Variants in CACNA1B observed in about 807,000 individuals in gnomAD.
CACNA1B encodes voltage-dependent N-type calcium channel subunit alpha-1B.
In CACNA1B, 70 loss-of-function variants were observed where a neutral mutation model predicts 247.2. That is an observed-to-expected ratio of 0.28 (90% CI 0.23 to 0.35). The LOEUF is 0.35. CACNA1B is among the 10% of genes least tolerant of loss of function. The pLI is 1.00. For synonymous variants in CACNA1B, 1,231 were observed against 1,294.4 expected (o/e 0.95, Z 1.05); for missense variants, 2,367 against 3,197.4 (o/e 0.74, Z 6.26).
At position 138,073,988 on chromosome 9, in the gene CACNA1B, CCT is replaced by C. The variant is rs773843210; in HGVS notation, c.4792-12_4792-11del. 1 of 1,609,610 alleles carries C rather than the reference CCT, an allele frequency of 6.2e-7. No individual in the cohort carries two copies. Among genetic ancestry groups the C allele is most frequent in the Non-Finnish European group, 8.5e-7 (1 of 1,178,964 alleles). ...GGGAGGTGCCTGTAGCTGACCGGCCCCTGTCTCCGCAGGCCCTGCCCTACGTG... is the reference window on the plus strand; with the variant it reads ...GGGAGGTGCCTGTAGCTGACCGGCCCGTCTCCGCAGGCCCTGCCCTACGTG... On this transcript the variant is annotated splice_polypyrimidine_tract_variant and intron_variant, in intron 33 of 46. Transcript: ENST00000371372. The surrounding 1 kb of genome is among the most constrained non-coding windows in gnomAD (Gnocchi z 6.4).
chr9:138,072,728 G>A lies in CACNA1B; in HGVS notation c.4675-760G>A, dbSNP rs986279593. Among the ~76,000 whole-genome samples the A allele has an allele frequency of 2.6e-5, 4 of 152,214 alleles. No individual in the cohort carries two copies. The highest frequency in any genetic ancestry group is 9.6e-5 in the African/African-American group (4 of 41,464). On this transcript the variant is annotated intron_variant, in intron 32 of 46. Coordinates refer to ENST00000371372, the MANE Select transcript of CACNA1B (RefSeq NM_000718.4). This position sits in a 1 kb window ranked among gnomAD's most constrained non-coding sequence, Gnocchi z 4.5. Reference sequence around the variant, plus strand: ...TAATTCAAGTGCCCTGGGGCCACGTGGAGGCTTTACTGCCAGGTAATCTGT... The same window carrying A: ...TAATTCAAGTGCCCTGGGGCCACGTAGAGGCTTTACTGCCAGGTAATCTGT...
At chr9:137,992,610 A>G (rs748143792) in intron 15 of CACNA1B, among the ~76,000 whole-genome samples, 5 of 152,210 alleles carry the variant, frequency 3.3e-5, no homozygotes, top group Admixed American at 1.3e-4. Flanking sequence ...TTTACAGAGC[A>G]TTCTACCCAA....
At position 137,882,330 on chromosome 9, in the gene CACNA1B, T is replaced by A. The variant is rs1956934563; in HGVS notation, c.391-414T>A. The stretch of plus-strand genomic sequence containing the variant: ...TGGGGTATTAAAGGGCCACCCTAGT[T>A]GATAAAGGAAAAACTACCTGATAAG... On this transcript the variant is annotated intron_variant, in intron 2 of 46. Transcript: ENST00000371372. This position sits in a 1 kb window ranked among gnomAD's most constrained non-coding sequence, Gnocchi z 4.0. Among the ~76,000 whole-genome samples, 2 of 152,202 alleles carry A rather than the reference T, an allele frequency of 1.3e-5. No individual in the cohort carries two copies. The highest frequency in any genetic ancestry group is 2.1e-4 in the South Asian group (1 of 4,820).
chr9:137,979,047 A>C (rs1958262808), intron 12 of CACNA1B, among the ~76,000 whole-genome samples: 1 of 152,378 alleles, frequency 6.6e-6, no homozygotes, highest in East Asian at 1.9e-4. Context: ...TCAGAGATGC[A>C]GGGATCTTTT....
chr9:137,937,536 T>TA (rs1957682096), intron 6 of CACNA1B, among the ~76,000 whole-genome samples: 1 of 152,154 alleles, frequency 6.6e-6, no homozygotes, highest in Non-Finnish European at 1.5e-5. Flanking sequence ...CAAGGAAAAC[T>TA]TCCCTAGCCT....
At position 138,117,612 on chromosome 9, in the gene CACNA1B, A is replaced by G. The variant is rs2739260; in HGVS notation, c.5778-334A>G. 0.4 allele frequency among the ~76,000 whole-genome samples: 61,207 copies of G among 152,124 alleles called. 14,991 individuals are homozygous for G. The highest frequency in any genetic ancestry group is 0.51 in the Admixed American group (7,867 of 15,282). Reference sequence around the variant, plus strand: ...CACAGATCAGCCTCTTGTCCAGAGGAGCGGGTGACGGACCCAGGCCCCCCT... The same window carrying G: ...CACAGATCAGCCTCTTGTCCAGAGGGGCGGGTGACGGACCCAGGCCCCCCT... On this transcript the variant is annotated intron_variant, in intron 42 of 46. Coordinates refer to ENST00000371372, the MANE Select transcript of CACNA1B (RefSeq NM_000718.4).
Position 137,954,405 on chromosome 9 carries a change from G to T in CACNA1B, c.1071-1293G>T, listed in dbSNP as rs994800767. Among the ~76,000 whole-genome samples, 1 of 152,214 alleles carries T rather than the reference G, an allele frequency of 6.6e-6. No homozygotes were observed. The highest frequency in any genetic ancestry group is 1.5e-5 in the Non-Finnish European group (1 of 68,034). ...AAGCAGAAGAGGTGGCCCCTGTCCT[G>T]CCTCTTCTCACCCAGCGAGGACAGA... On this transcript the variant is annotated intron_variant, in intron 7 of 46. Transcript: ENST00000371372. This position sits in a 1 kb window ranked among gnomAD's most constrained non-coding sequence, Gnocchi z 4.1.
In CACNA1B at chr9:138,081,002, C is replaced by T. The variant is rs1052593198; in HGVS notation, c.5094+2744C>T. Among the ~76,000 whole-genome samples the T allele has an allele frequency of 7.2e-5, 11 of 152,274 alleles. No homozygotes were observed. The East Asian group carries it at 1.9e-3, about 27-fold the overall frequency. The stretch of plus-strand genomic sequence containing the variant: ...TGTTTGAGTCATCTCCTGATCCCTC[C>T]GAAGACCCCTTGTGGGCAGCAGGGA... On this transcript the variant is annotated intron_variant, in intron 36 of 46. Coordinates refer to ENST00000371372, the MANE Select transcript of CACNA1B (RefSeq NM_000718.4).
At chr9:137,884,970 CCT>C (rs1956988336) in intron 3 of CACNA1B, among the ~76,000 whole-genome samples, 34 of 103,040 alleles carry the variant, frequency 3.3e-4, no homozygotes, top group Non-Finnish European at 3.2e-4. Context: ...CCCCCCCCCT[CCT>C]CCCACTTTGC....
intron 15 of CACNA1B, among the ~76,000 whole-genome samples, chr9:137,987,573 A>G (rs1038050457): frequency 6.6e-6 from 1 of 152,184 alleles, no homozygotes; most frequent in Non-Finnish European, 1.5e-5. Context: ...CGGAGGCCCA[A>G]CAGGCTGTGT....
chr9:137,970,881 G>C (rs1044636836), intron 10 of CACNA1B, among the ~76,000 whole-genome samples: 1 of 152,192 alleles, frequency 6.6e-6, no homozygotes, highest in African/African-American at 2.4e-5. Flanking sequence ...TGCGTAAACC[G>C]ATGAGCTTGG....
At chr9:137,932,806 G>T (rs753490230) in intron 6 of CACNA1B, among the ~76,000 whole-genome samples, 11 of 152,218 alleles carry the variant, frequency 7.2e-5, no homozygotes, top group Non-Finnish European at 1.3e-4. Context: ...CATGAAAACC[G>T]TACAGGTTAT....
intron 6 of CACNA1B, among the ~76,000 whole-genome samples, chr9:137,931,163 G>GAATGAAGA (rs1214500970): frequency 6.6e-5 from 10 of 152,148 alleles, no homozygotes; most frequent in Non-Finnish European, 1.3e-4. Flanking sequence ...AGCAACAAAG[G>GAATGAAGA]AATGAAGAAA....
intron 45 of CACNA1B, 75 bp from the exon 46 acceptor site, chr9:138,120,556 T>C: frequency 6.9e-7 from 1 of 1,440,778 alleles, no homozygotes; most frequent in Non-Finnish European, 9.2e-7. Flanking sequence ...ACCTGAATTC[T>C]GTCCTGCTGG....
At chr9:138,078,655 C>T (rs1251500397) in intron 36 of CACNA1B, among the ~76,000 whole-genome samples, 3 of 152,096 alleles carry the variant, frequency 2.0e-5, no homozygotes, top group African/African-American at 7.2e-5. Flanking sequence ...ATTTCACATC[C>T]ATGGAAGCCT....
At chr9:138,002,094 G>C (rs930667398) in intron 15 of CACNA1B, among the ~76,000 whole-genome samples, 7 of 152,196 alleles carry the variant, frequency 4.6e-5, no homozygotes, top group South Asian at 4.1e-4. Flanking sequence ...TCAGGAAGAA[G>C]AAATTTGTCC....
rs937718271 is a variant in CACNA1B, at chr9:137,882,568, G to A, written c.391-176G>A. Among the ~76,000 whole-genome samples the A allele has an allele frequency of 2.0e-5, 3 of 152,208 alleles. No homozygotes were observed. The highest frequency in any genetic ancestry group is 4.4e-5 in the Non-Finnish European group (3 of 68,034). On this transcript the variant is annotated intron_variant, in intron 2 of 46. Transcript: ENST00000371372. This position sits in a 1 kb window ranked among gnomAD's most constrained non-coding sequence, Gnocchi z 4.0. ...CATGTGCAGACAGCAAGCAGGCTCA[G>A]TGATGGGAATGGCTCCTTGGAGAAT...
At chr9:137,884,485 C>T (rs1956974944) in intron 3 of CACNA1B, among the ~76,000 whole-genome samples, 1 of 145,060 alleles carries the variant, frequency 6.9e-6, no homozygotes, top group South Asian at 2.4e-4. Flanking sequence ...GCTCCCACAT[C>T]CAGTGGGCAC....
In CACNA1B at chr9:138,046,898, TCA is replaced by T; in HGVS notation, c.3414-3_3414-2del. ...GCCTTGTGGTGATCCGTGCCTTCCCTCACAGGCTCCGCCGCTTCTGCCACTAC... is the reference window on the plus strand; with the variant it reads ...GCCTTGTGGTGATCCGTGCCTTCCCTCAGGCTCCGCCGCTTCTGCCACTAC... On this transcript the variant is annotated splice_region_variant and splice_polypyrimidine_tract_variant and intron_variant, in intron 21 of 46. Coordinates refer to ENST00000371372, the MANE Select transcript of CACNA1B (RefSeq NM_000718.4). The T allele has an allele frequency of 6.2e-7, 1 of 1,612,882 alleles. No homozygotes were observed.
Sources: gnomAD v4.1 joint callset for allele counts (sites outside exome capture counted in the v4.1 genomes callset) on GRCh38, gnomAD v4.1.1 for gene constraint, Gnocchi (gnomAD v3.1) non-coding constraint, MANE v1.5 for transcripts, NCBI Gene and HGNC (gene_info 2026-07-23, HGNC 2026-07-21) for gene names.